Variants in ESR1 observed in about 807,000 individuals in gnomAD.
ESR1 encodes the protein estrogen receptor.
A neutral mutation model predicts 52.7 loss-of-function variants in ESR1; 12 were observed. The ratio of observed to expected loss-of-function variants is 0.23; its 90% CI spans 0.15 to 0.37. ESR1 has a LOEUF of 0.37. Among genes scored for constraint, ESR1 ranks in the 10% least tolerant of loss-of-function variants. ESR1 has a pLI of 1.00. For missense variants in ESR1, 584 were observed against 779.7 expected (o/e 0.75, Z 2.99); for synonymous variants, 305 against 316.8 (o/e 0.96, Z 0.39).
rs2128156416 is a variant in ESR1 at position 151,808,138 on chromosome 6, A to T, written c.226A>T (p.Thr76Ser). Residue 76 changes from threonine to serine, a missense_variant, in exon 1 of 8, where the codon ACC becomes TCC. Transcript: ENST00000206249. ...CGCCAACGCGCAGGTCTACGGTCAG[A>T]CCGGCCTCCCCTACGGCCCCGGGTC... ...AAANAQVYGQ[T>S]GLPYGPGSEA... The T allele has an allele frequency of 6.2e-7, 1 of 1,606,094 alleles. No homozygotes were observed. The highest frequency in any genetic ancestry group is 8.5e-7 in the Non-Finnish European group (1 of 1,176,910).
At chr6:152,002,506 G>C (rs538335453) in intron 4 of ESR1, among the ~76,000 whole-genome samples, 2 of 151,986 alleles carry the variant, frequency 1.3e-5, no homozygotes, top group African/African-American at 4.8e-5. Context: ...AGGTACAAGT[G>C]CTTGTTGACT....
At chr6:151,928,017 C>A (rs1427088216) in intron 3 of ESR1, among the ~76,000 whole-genome samples, 2 of 152,130 alleles carry the variant, frequency 1.3e-5, no homozygotes, top group African/African-American at 2.4e-5. Context: ...AGCCACCGTG[C>A]CCGGCTTCTT....
At chr6:151,891,725 T>C (rs1346808699) in intron 3 of ESR1, among the ~76,000 whole-genome samples, 1 of 152,136 alleles carries the variant, frequency 6.6e-6, no homozygotes, top group Non-Finnish European at 1.5e-5. Context: ...TCATGAGAGA[T>C]AGACATATGC....
exon 7 of ESR1, chr6:152,129,341 G>C (rs2054661396): frequency 6.6e-6 from 1 of 152,180 alleles, no homozygotes; most frequent in Non-Finnish European, 1.5e-5. Context: ...TATCCTCGAA[G>C]GAATGCTGTG....
At chr6:152,023,700 A>G (rs768087868) in intron 5 of ESR1, among the ~76,000 whole-genome samples, 7 of 152,210 alleles carry the variant, frequency 4.6e-5, no homozygotes, top group Non-Finnish European at 1.0e-4. Flanking sequence ...ATTTGAATTT[A>G]TAACAATTTC....
At chr6:151,726,618 A>G (rs3020342) in intron 2 of ESR1, among the ~76,000 whole-genome samples, 48,373 of 152,102 alleles carry the variant, frequency 0.32, 8,377 homozygotes, top group African/African-American at 0.45. Context: ...TTACAGGCGC[A>G]AGCCACAGCG....
intron 2 of ESR1, among the ~76,000 whole-genome samples, chr6:151,791,077 C>T (rs1374572614): frequency 1.3e-5 from 2 of 152,164 alleles, no homozygotes; most frequent in Non-Finnish European, 2.9e-5. Context: ...ACCTCCCAGA[C>T]GGCTGGTCTG....
intron 2 of ESR1, among the ~76,000 whole-genome samples, chr6:151,796,038 T>C (rs940843022): frequency 1.8e-4 from 27 of 147,768 alleles, no homozygotes; most frequent in East Asian, 1.8e-3. Flanking sequence ...TGGTGGCGGG[T>C]GCCTGTAGTC....
intron 3 of ESR1, among the ~76,000 whole-genome samples, chr6:151,921,204 A>G (rs1032830456): frequency 1.3e-5 from 2 of 152,048 alleles, no homozygotes; most frequent in East Asian, 1.9e-4. Context: ...CTGTTCCTGC[A>G]TTAGTTTGCT....
At chr6:152,000,160 G>C (rs2041837986) in intron 4 of ESR1, among the ~76,000 whole-genome samples, 1 of 151,980 alleles carries the variant, frequency 6.6e-6, no homozygotes, top group Non-Finnish European at 1.5e-5. Flanking sequence ...ATAACATGCT[G>C]CAGGGATAGT....
intron 4 of ESR1, among the ~76,000 whole-genome samples, chr6:152,001,185 C>A (rs1010558805): frequency 1.3e-5 from 2 of 151,908 alleles, no homozygotes; most frequent in African/African-American, 4.8e-5. Flanking sequence ...TAATAGAATA[C>A]CTGAGACTGG....
Position 151,698,135 on chromosome 6 carries a change from G to A in ESR1, c.-201-3740G>A, listed in dbSNP as rs564664631. Among the ~76,000 whole-genome samples the A allele has an allele frequency of 7.2e-5, 11 of 152,010 alleles. No individual in the cohort carries two copies. In the East Asian group the frequency reaches 1.9e-3, roughly 27 times the overall value. On this transcript the variant is annotated intron_variant, in intron 1 of 2. Coordinates refer to the ESR1 transcript ENST00000404742. Reference sequence around the variant, plus strand: ...AATCCTAGCACTTTGGGAGGCCGAGGTGGGTGAATTGCTTTTGCTCAGGAG... The same window carrying A: ...AATCCTAGCACTTTGGGAGGCCGAGATGGGTGAATTGCTTTTGCTCAGGAG...
chr6:151,736,375 G>GTTCTTTTTTTTTTTTTTTTTTTTTTT (rs748276035), intron 2 of ESR1, among the ~76,000 whole-genome samples: 1 of 112,740 alleles, frequency 8.9e-6, no homozygotes, highest in African/African-American at 3.8e-5. Flanking sequence ...TCCAGGTAGT[G>GTTCTTTTTTTTTTTTTTTTTTTTTTT]TTTTTTTTTT....
chr6:151,664,303 A>G (rs1307569072), intron 1 of ESR1, among the ~76,000 whole-genome samples: 4 of 152,238 alleles, frequency 2.6e-5, no homozygotes, highest in Non-Finnish European at 4.4e-5. Context: ...AAACAAGGAT[A>G]CCATTACCAG....
In ESR1 at chr6:151,956,845, T is replaced by TAAATAA. The variant is rs1280644212; in HGVS notation, c.1096+12338_1096+12339insAATAAA. ...AAAAATATATATAAATATAAATAAA[T>TAAATAA]ATATATATATATATATAAATATATA... On this transcript the variant is annotated intron_variant, in intron 4 of 7. Transcript: ENST00000206249. Among the ~76,000 whole-genome samples, 10 of 30,800 alleles carry TAAATAA rather than the reference T, an allele frequency of 3.2e-4. 1 individual carries two copies. The highest frequency in any genetic ancestry group is 5.6e-4 in the African/African-American group (9 of 16,162). The allele number at this position is 30,800 out of a possible 152,430, so 20.2% of individuals were successfully genotyped here.
chr6:151,981,178 T>C (rs994784056), intron 4 of ESR1, among the ~76,000 whole-genome samples: 4 of 152,226 alleles, frequency 2.6e-5, no homozygotes, highest in Admixed American at 2.6e-4. Flanking sequence ...GTCTTGTTCA[T>C]CTTGCATTTT....
chr6:151,687,480 T>C (rs1414806427), upstream of ESR1, among the ~76,000 whole-genome samples: 2 of 152,186 alleles, frequency 1.3e-5, no homozygotes, highest in Non-Finnish European at 2.9e-5. Context: ...GAAGAACGAA[T>C]AAAGAATTTT....
At chr6:151,740,371 A>T (rs142920591) in intron 2 of ESR1, among the ~76,000 whole-genome samples, 2,395 of 146,956 alleles carry the variant, frequency 0.016, 70 homozygotes, top group African/African-American at 0.058. Flanking sequence ...CCTGACCTCA[A>T]GTGATCTACC....
At chr6:152,008,130 G>A (rs145147913) in intron 4 of ESR1, among the ~76,000 whole-genome samples, 2 of 152,172 alleles carry the variant, frequency 1.3e-5, no homozygotes, top group African/African-American at 4.8e-5. Context: ...ATGCTGTGTG[G>A]TAAAGTCGAG....
Sources: allele counts gnomAD v4.1 joint callset (sites outside exome capture counted in the v4.1 genomes callset), GRCh38; gene constraint gnomAD v4.1.1; transcripts MANE v1.5; gene names NCBI Gene and HGNC (gene_info 2026-07-23, HGNC 2026-07-21).